NLK: variants seen among roughly 807,000 people sequenced by gnomAD.
The protein encoded by NLK is nemo like kinase.
Under a neutral mutation model 59.0 loss-of-function variants are expected in NLK, and 11 were observed. The observed-to-expected ratio is 0.19, with a 90% CI of 0.12 to 0.31. The LOEUF is 0.31. Ranked by LOEUF, NLK falls within the 10% of genes least tolerant of loss-of-function variation. NLK has a pLI of 1.00. For synonymous variants in NLK, 235 were observed against 235.9 expected, an observed-to-expected ratio of 1.00 and a Z score of 0.03; for missense variants, 410 against 661.1, an observed-to-expected ratio of 0.62 and a Z score of 4.16.
intron 3 of NLK, among the ~76,000 whole-genome samples, chr17:28,147,033 C>G (rs1597709270): frequency 6.6e-6 from 1 of 152,158 alleles, no homozygotes; most frequent in Non-Finnish European, 1.5e-5. Context: ...ACATTAAAAT[C>G]TTTTTGCACC....
intron 1 of NLK, among the ~76,000 whole-genome samples, chr17:28,122,374 T>A (rs541116479): frequency 6.9e-6 from 1 of 145,562 alleles, no homozygotes; most frequent in Non-Finnish European, 1.5e-5. Context: ...TAGACAGGGA[T>A]TTTTTTTTTT....
At chr17:28,114,954 G>A (rs1905698545) in intron 1 of NLK, among the ~76,000 whole-genome samples, 1 of 152,172 alleles carries the variant, frequency 6.6e-6, no homozygotes, top group Non-Finnish European at 1.5e-5. Context: ...TATCACAAAA[G>A]TAGCAGTTTC....
At chr17:28,182,122 T>G (rs1360517196) in intron 7 of NLK, among the ~76,000 whole-genome samples, 1 of 152,212 alleles carries the variant, frequency 6.6e-6, no homozygotes, top group East Asian at 1.9e-4. Flanking sequence ...TAAGACATGT[T>G]GGATTTATCT....
chr17:28,081,916 T>TA (rs1910360277), intron 1 of NLK, among the ~76,000 whole-genome samples: 1 of 152,180 alleles, frequency 6.6e-6, no homozygotes, highest in Admixed American at 6.6e-5. Flanking sequence ...CCTTTTGAGA[T>TA]AGAGTCTCTC....
At chr17:28,126,085 T>C (rs1462679533) in intron 2 of NLK, among the ~76,000 whole-genome samples, 1 of 152,198 alleles carries the variant, frequency 6.6e-6, no homozygotes, top group Non-Finnish European at 1.5e-5. Flanking sequence ...CTACATTAGC[T>C]CCTGTTGTCT....
At chr17:28,166,041 C>G (rs904923081) in intron 5 of NLK, among the ~76,000 whole-genome samples, 2 of 152,164 alleles carry the variant, frequency 1.3e-5, no homozygotes, top group Non-Finnish European at 2.9e-5. Context: ...ATGGCAAAAC[C>G]CTGTCTCTAC....
At chr17:28,155,398 A>C (rs1907659948) in intron 3 of NLK, among the ~76,000 whole-genome samples, 3 of 152,184 alleles carry the variant, frequency 2.0e-5, no homozygotes, top group Admixed American at 2.0e-4. Flanking sequence ...TAGAACTAGA[A>C]ATACCATTTG....
At chr17:28,089,042 C>G (rs916947156) in intron 1 of NLK, among the ~76,000 whole-genome samples, 1 of 152,176 alleles carries the variant, frequency 6.6e-6, no homozygotes, top group Non-Finnish European at 1.5e-5. Flanking sequence ...ACAGTGCATA[C>G]ACAGTACTCA....
intron 1 of NLK, among the ~76,000 whole-genome samples, chr17:28,102,677 C>T (rs1904944247): frequency 6.6e-6 from 1 of 151,952 alleles, no homozygotes; most frequent in African/African-American, 2.4e-5. Flanking sequence ...TTTTTACCCC[C>T]CTCAGCTAGA....
chr17:28,146,659 C>T (rs1438426780), intron 3 of NLK, among the ~76,000 whole-genome samples: 11 of 152,202 alleles, frequency 7.2e-5, no homozygotes, highest in Admixed American at 7.2e-4. Context: ...CCTCCCACTG[C>T]TGAACCTGTT....
chr17:28,050,893 C>T (rs1031661052), intron 1 of NLK, among the ~76,000 whole-genome samples: 35 of 151,586 alleles, frequency 2.3e-4, no homozygotes, highest in African/African-American at 7.8e-4. Context: ...TCACTTCAGC[C>T]CAAGAGTTCG....
In NLK at chr17:28,168,679, TTAGTTGCAATTC is replaced by T. The variant is rs757514426; in HGVS notation, c.1047+25_1047+36del. The T allele has an allele frequency of 1.1e-5, 18 of 1,571,146 alleles. 1 individual carries two copies. In the African/African-American group the frequency reaches 2.4e-4, roughly 21 times the overall value. ...GCAGGTATGATTTCAATTTAAGGCTTTAGTTGCAATTCTATTGCAGATTTGAAGGAAAATCCA... is the reference window on the plus strand; with the variant it reads ...GCAGGTATGATTTCAATTTAAGGCTTTATTGCAGATTTGAAGGAAAATCCA... On this transcript the variant is annotated intron_variant, in intron 6 of 10. Transcript: ENST00000407008.
At chr17:28,137,316 T>A (rs1246274545) in intron 3 of NLK, among the ~76,000 whole-genome samples, 1 of 152,214 alleles carries the variant, frequency 6.6e-6, no homozygotes, top group Admixed American at 6.5e-5. Context: ...GTTATACATC[T>A]AATGGGTTCT....
chr17:28,174,233 A>G (rs545532032), intron 7 of NLK, among the ~76,000 whole-genome samples: 22 of 152,388 alleles, frequency 1.4e-4, no homozygotes, highest in Middle Eastern at 3.4e-3. Flanking sequence ...ATTATTTTGT[A>G]AAGCAAAAGA....
chr17:28,085,063 A>G (rs189820018), intron 1 of NLK, among the ~76,000 whole-genome samples: 1 of 152,356 alleles, frequency 6.6e-6, no homozygotes, highest in African/African-American at 2.4e-5. Context: ...TAAAAACTGT[A>G]TGTAGAGGAC....
At chr17:28,161,555 C>T (rs1389740663) in intron 4 of NLK, among the ~76,000 whole-genome samples, 1 of 152,168 alleles carries the variant, frequency 6.6e-6, no homozygotes, top group Non-Finnish European at 1.5e-5. Flanking sequence ...CACAAGTTCA[C>T]AAAACAGCCT....
chr17:28,059,648 T>A (rs1037285499), intron 1 of NLK, among the ~76,000 whole-genome samples: 1 of 152,226 alleles, frequency 6.6e-6, no homozygotes, highest in Non-Finnish European at 1.5e-5. Flanking sequence ...GGCAATTTAG[T>A]GTATACTAGA....
chr17:28,063,098 A>AT (rs1194507141), intron 1 of NLK, among the ~76,000 whole-genome samples: 10 of 151,712 alleles, frequency 6.6e-5, no homozygotes, highest in Non-Finnish European at 1.2e-4. Flanking sequence ...TGTCTGGCTA[A>AT]TTTTTTTGTA....
chr17:28,047,524 T>C (rs1451809813), intron 1 of NLK, among the ~76,000 whole-genome samples: 2 of 152,222 alleles, frequency 1.3e-5, no homozygotes, highest in Non-Finnish European at 2.9e-5. Context: ...GTATTATGGA[T>C]TTATATACTG....
Sources: allele counts gnomAD v4.1 joint callset (sites outside exome capture counted in the v4.1 genomes callset), GRCh38; gene constraint gnomAD v4.1.1; transcripts MANE v1.5; gene names NCBI Gene and HGNC (gene_info 2026-07-23, HGNC 2026-07-21).